The following B3GALT1 variants were observed in gnomAD, a reference collection of about 807,000 sequenced individuals.
B3GALT1 encodes beta-1,3-galactosyltransferase 1.
In B3GALT1, 10 loss-of-function variants were observed where a neutral mutation model predicts 23.2. The ratio of observed to expected loss-of-function variants is 0.43; its 90% confidence interval spans 0.27 to 0.73. B3GALT1 has a LOEUF of 0.73. Among genes scored for constraint, B3GALT1 ranks in the 30% least tolerant of loss-of-function variants. B3GALT1 has a pLI of 0.21. For synonymous variants in B3GALT1, 156 were observed against 141.5 expected (o/e 1.10, Z -0.73); for missense variants, 299 against 405.4 (o/e 0.74, Z 2.25).
chr2:167,375,149 G>T (rs900136908), intron 1 of B3GALT1, among the ~76,000 whole-genome samples: 2 of 151,996 alleles, frequency 1.3e-5, no homozygotes, highest in Non-Finnish European at 2.9e-5. Context: ...ATGCCTGGAG[G>T]TGTGTGGCTT....
intron 3 of B3GALT1, among the ~76,000 whole-genome samples, chr2:167,778,335 T>G (rs988886357): frequency 1.3e-5 from 2 of 152,234 alleles, no homozygotes; most frequent in Admixed American, 1.3e-4. Context: ...CCATTTCAAT[T>G]TCCTTTTGTT....
At chr2:167,563,387 G>A (rs868460112) in intron 2 of B3GALT1, among the ~76,000 whole-genome samples, 73 of 136,766 alleles carry the variant, frequency 5.3e-4, no homozygotes, top group Non-Finnish European at 9.0e-4. Flanking sequence ...CCTCCCGGAC[G>A]GGGCGGCTGG....
At chr2:167,472,263 G>A (rs1559107608) in intron 1 of B3GALT1, among the ~76,000 whole-genome samples, 1 of 152,114 alleles carries the variant, frequency 6.6e-6, no homozygotes, top group Non-Finnish European at 1.5e-5. Flanking sequence ...TTTTTCAGTT[G>A]CTCAGTCCTG....
chr2:167,410,005 T>C (rs778663969), intron 1 of B3GALT1, among the ~76,000 whole-genome samples: 3 of 152,104 alleles, frequency 2.0e-5, no homozygotes, highest in Non-Finnish European at 4.4e-5. Flanking sequence ...CTATTTACAA[T>C]AGCAAAGACT....
At chr2:167,318,186 G>C (rs978560128) in intron 1 of B3GALT1, among the ~76,000 whole-genome samples, 1 of 151,854 alleles carries the variant, frequency 6.6e-6, no homozygotes, top group East Asian at 1.9e-4. Flanking sequence ...AATTAGCCAG[G>C]TGTGGTGGCG....
intron 4 of B3GALT1, among the ~76,000 whole-genome samples, chr2:167,853,861 G>A (rs1439782999): frequency 1.3e-5 from 2 of 152,118 alleles, no homozygotes; most frequent in African/African-American, 2.4e-5. Context: ...GGGGGAGGGC[G>A]TGCAAGTGTT....
chr2:167,576,584 C>T (rs1574148421), intron 2 of B3GALT1, among the ~76,000 whole-genome samples: 1 of 108,212 alleles, frequency 9.2e-6, no homozygotes, highest in Non-Finnish European at 1.8e-5. Flanking sequence ...TGATACAATT[C>T]AGGGCAAAAG....
chr2:167,579,316 C>G (rs905240018), intron 2 of B3GALT1, among the ~76,000 whole-genome samples: 1 of 151,254 alleles, frequency 6.6e-6, no homozygotes, highest in African/African-American at 2.4e-5. Flanking sequence ...TTACTATTTT[C>G]TATTTAAAAT....
chr2:167,725,626 C>A (rs1472918486), intron 3 of B3GALT1, among the ~76,000 whole-genome samples: 2 of 152,196 alleles, frequency 1.3e-5, no homozygotes, highest in Non-Finnish European at 2.9e-5. Flanking sequence ...AAGTCCACTT[C>A]TTTTTGGACC....
intron 3 of B3GALT1, among the ~76,000 whole-genome samples, chr2:167,756,820 C>A (rs973580410): frequency 3.3e-5 from 5 of 152,138 alleles, no homozygotes; most frequent in African/African-American, 1.2e-4. Context: ...TAGAAGTCGT[C>A]CAGAAGGACT....
intron 3 of B3GALT1, among the ~76,000 whole-genome samples, chr2:167,772,949 C>T (rs1688097106): frequency 6.6e-6 from 1 of 152,126 alleles, no homozygotes; most frequent in Admixed American, 6.5e-5. Context: ...GGATCTGAAG[C>T]CTCTAATAAC....
intron 2 of B3GALT1, among the ~76,000 whole-genome samples, chr2:167,594,648 C>T (rs1412077095): frequency 6.6e-6 from 1 of 152,132 alleles, no homozygotes; most frequent in African/African-American, 2.4e-5. Context: ...CACGGTGGCT[C>T]ACACCTGTAA....
chr2:167,618,834 T>C (rs1466172627), intron 2 of B3GALT1, among the ~76,000 whole-genome samples: 1 of 152,044 alleles, frequency 6.6e-6, no homozygotes, highest in African/African-American at 2.4e-5. Flanking sequence ...TGGAGTTGTA[T>C]CCTTCTTAGT....
In B3GALT1 at chr2:167,390,612, C is replaced by T. The variant is rs142463305; in HGVS notation, c.-511+97278C>T. On this transcript the variant is annotated intron_variant, in intron 1 of 4. Transcript: ENST00000392690. ...CCTTTCTCTCCCTATCTTAGCCCTC[C>T]TACCCAGATCCTGGACAAAACGCAG... 3.8e-3 allele frequency among the ~76,000 whole-genome samples: 574 copies of T among 152,266 alleles called. 3 individuals are homozygous for T. The highest frequency in any genetic ancestry group is 0.013 in the African/African-American group (544 of 41,560).
chr2:167,626,162 C>T (rs957693032), intron 2 of B3GALT1, among the ~76,000 whole-genome samples: 4 of 150,968 alleles, frequency 2.6e-5, no homozygotes, highest in Non-Finnish European at 4.4e-5. Flanking sequence ...TAAGTAAATA[C>T]CATATTTATT....
intron 1 of B3GALT1, among the ~76,000 whole-genome samples, chr2:167,378,566 A>T (rs1323573486): frequency 6.6e-6 from 1 of 151,976 alleles, no homozygotes; most frequent in Non-Finnish European, 1.5e-5. Context: ...TATTCAAAAG[A>T]CTTGTCTTCA....
At chr2:167,731,655 C>T (rs1469819508) in intron 3 of B3GALT1, among the ~76,000 whole-genome samples, 1 of 152,152 alleles carries the variant, frequency 6.6e-6, no homozygotes, top group Non-Finnish European at 1.5e-5. Context: ...TTGAGCACAC[C>T]CTCTGTGTGA....
intron 4 of B3GALT1, among the ~76,000 whole-genome samples, chr2:167,861,863 C>G (rs1442338958): frequency 1.3e-5 from 2 of 152,196 alleles, no homozygotes; most frequent in Non-Finnish European, 2.9e-5. Context: ...GTCTTACCAG[C>G]TCACTGCCTG....
At chr2:167,809,704 G>A (rs1688836989) in intron 3 of B3GALT1, among the ~76,000 whole-genome samples, 2 of 152,208 alleles carry the variant, frequency 1.3e-5, no homozygotes, top group Non-Finnish European at 2.9e-5. Flanking sequence ...ACTGGGGGGT[G>A]CCTCCCAGTT....
Sources: gnomAD v4.1 joint callset for allele counts (sites outside exome capture counted in the v4.1 genomes callset) on GRCh38, gnomAD v4.1.1 for gene constraint, MANE v1.5 for transcripts, NCBI Gene and HGNC (gene_info 2026-07-23, HGNC 2026-07-21) for gene names.